Variants in MYEF2 observed in about 807,000 individuals in gnomAD.
MYEF2 encodes myelin expression factor 2.
A neutral mutation model predicts 75.2 loss-of-function variants in MYEF2; 37 were observed. The ratio of observed to expected loss-of-function variants is 0.49; its 90% confidence interval spans 0.38 to 0.65. MYEF2 has a LOEUF of 0.65. Ranked by LOEUF, MYEF2 falls within the 30% of genes least tolerant of loss-of-function variation. The pLI is 0.00. For missense variants in MYEF2, 634 were observed against 771.4 expected (o/e 0.82, Z 2.11); for synonymous variants, 195 against 241.6 (o/e 0.81, Z 1.79).
At chr15:48,158,588 A>G (rs1470537403) in intron 7 of MYEF2, among the ~76,000 whole-genome samples, 181 bp downstream of exon 7, 1 of 152,170 alleles carries the variant, frequency 6.6e-6, no homozygotes, top group Non-Finnish European at 1.5e-5. Context: ...AATATGGCCA[A>G]TTCAAGTTTT....
At chr15:48,151,805 T>C (rs1316576029) in intron 12 of MYEF2, 69 bp downstream of exon 12, 4 of 1,536,360 alleles carry the variant, frequency 2.6e-6, no homozygotes, top group South Asian at 1.1e-5. Flanking sequence ...TCCTAAGTTA[T>C]AGGGGGGAAA....
Position 48,153,495 on chromosome 15 carries a change from A to G in MYEF2, c.1087+297T>C, listed in dbSNP as rs1287199136. On this transcript the variant is annotated intron_variant, in intron 10 of 16. Coordinates refer to ENST00000324324, the MANE Select transcript of MYEF2 (RefSeq NM_016132.5). ...GATATGGTAGCATTTCAGCTACTCC[A>G]TAAATACTGTTCATAGATGATATAT... 28 of 204,396 alleles carry G rather than the reference A, an allele frequency of 1.4e-4. No homozygotes were observed. In the Admixed American group the frequency reaches 1.6e-3, roughly 11 times the overall value. 12.7% of individuals were successfully genotyped at this position (204,396 alleles called of 1,614,324 possible).
intron 5 of MYEF2, 124 bp from the exon 6 acceptor site, chr15:48,159,928 T>A: frequency 4.1e-6 from 4 of 985,012 alleles, no homozygotes; most frequent in Non-Finnish European, 5.8e-6. Context: ...TCTTGAAGAG[T>A]GAGCTTTTTT....
At chr15:48,162,389 A>G (rs2039973960) in intron 5 of MYEF2, among the ~76,000 whole-genome samples, 1 of 152,212 alleles carries the variant, frequency 6.6e-6, no homozygotes, top group Non-Finnish European at 1.5e-5. Context: ...TAGCACTATG[A>G]GGTAGGTGCT....
In MYEF2 at chr15:48,150,513, T is replaced by TATTC. The variant is rs199722713; in HGVS notation, c.1378+583_1378+586dup. 5.4e-3 allele frequency among the ~76,000 whole-genome samples: 825 copies of TATTC among 152,128 alleles called. 10 individuals carry two copies. The highest frequency in any genetic ancestry group is 0.019 in the African/African-American group (785 of 41,514). On this transcript the variant is annotated intron_variant, in intron 14 of 16. Transcript: ENST00000324324. ...TAAAAAAATAAATAAATAATCCATGTATTCAGGCTTAATATAAGGCCTAAA... is the reference window on the plus strand; with the variant it reads ...TAAAAAAATAAATAAATAATCCATGTATTCATTCAGGCTTAATATAAGGCCTAAA...
intron 16 of MYEF2, among the ~76,000 whole-genome samples, chr15:48,144,338 T>C (rs536374467): frequency 1.3e-5 from 2 of 152,184 alleles, no homozygotes; most frequent in African/African-American, 4.8e-5. Flanking sequence ...GACTACTTTA[T>C]ACTTTCACTT....
At position 48,141,167 on chromosome 15, in the gene MYEF2, G is replaced by A. The variant is rs1286678075; in HGVS notation, c.*1741C>T. ...ATGGGCCTTACTTTATTAGCAGCAG[G>A]AACAAGCATACCAGACACAATTGCA... On this transcript the variant is annotated 3_prime_UTR_variant, in exon 17 of 17. Coordinates refer to ENST00000324324, the MANE Select transcript of MYEF2 (RefSeq NM_016132.5). 3.7e-6 allele frequency: 6 copies of A among 1,613,898 alleles called. No homozygotes were observed. Among genetic ancestry groups the A allele is most frequent in the South Asian group, 1.1e-5 (1 of 91,068 alleles).
intron 9 of MYEF2, among the ~76,000 whole-genome samples, chr15:48,155,075 A>C (rs953286243): frequency 3.9e-5 from 6 of 152,128 alleles, no homozygotes; most frequent in Non-Finnish European, 7.4e-5. Context: ...AATTAATCCA[A>C]ATGAACCAAT....
In MYEF2 at chr15:48,137,517, T is replaced by C. The variant is rs1407986588; in HGVS notation, c.*5391A>G. 1 of 152,272 alleles carries C rather than the reference T, an allele frequency of 6.6e-6. No individual in the cohort carries two copies. Among genetic ancestry groups the C allele is most frequent in the Non-Finnish European group, 1.5e-5 (1 of 68,034 alleles). 9.4% of individuals were successfully genotyped at this position (152,272 alleles called of 1,614,324 possible). On this transcript the variant is annotated 3_prime_UTR_variant, in exon 17 of 17. Coordinates refer to ENST00000324324, the MANE Select transcript of MYEF2 (RefSeq NM_016132.5). ...ATTAGAACTGTTATCTTAGTAATGT[T>C]ACCCAAAATGATGTTCACCGAACTA...
At chr15:48,171,849 C>G (rs1265147359) in intron 1 of MYEF2, among the ~76,000 whole-genome samples, 1 of 152,004 alleles carries the variant, frequency 6.6e-6, no homozygotes, top group Non-Finnish European at 1.5e-5. Context: ...TTTAGACAAC[C>G]ACTCCCACAA....
intron 13 of MYEF2, 75 bp from the exon 14 acceptor site, chr15:48,151,246 G>A (rs559886476): frequency 7.8e-7 from 1 of 1,275,334 alleles, no homozygotes; most frequent in African/African-American, 1.5e-5. Flanking sequence ...GGTACTATGT[G>A]CTCTGATTTA....
At position 48,178,207 on chromosome 15, in the gene MYEF2, C is replaced by A; in HGVS notation, c.31G>T (p.Gly11Trp). The A allele has an allele frequency of 6.7e-7, 1 of 1,485,524 alleles. No individual in the cohort carries two copies. The allele number at this position is 1,485,524 out of a possible 1,614,324, so 92.0% of individuals were successfully genotyped here. MADANKAEVP[G>W]ATGGDSPHLQ... ...TGCGGGCTGTCGCCACCAGTGGCCC[C>A]GGGCACCTCGGCCTTGTTGGCGTCC... Residue 11 changes from glycine to tryptophan, a missense_variant, in exon 1 of 17, where the codon GGG becomes TGG. Physicochemically the swap from Gly to Trp is radical, Grantham distance 184 (BLOSUM62 -2). Transcript: ENST00000324324.
At chr15:48,159,501 C>A in intron 6 of MYEF2, 112 bp downstream of exon 6, 1 of 863,618 alleles carries the variant, frequency 1.2e-6, no homozygotes. Flanking sequence ...ATTACTATTT[C>A]ACTTACTTTA....
chr15:48,141,194 G>A lies in MYEF2; in HGVS notation c.*1714C>T, dbSNP rs376006338. On this transcript the variant is annotated 3_prime_UTR_variant, in exon 17 of 17. Transcript: ENST00000324324. ...ACAAGCATACCAGACACAATTGCAA[G>A]TGTGTTGGTTGCAAGAAAAGGTAAG... The A allele has an allele frequency of 1.2e-6, 2 of 1,613,388 alleles. No individual in the cohort carries two copies. The highest frequency in any genetic ancestry group is 1.7e-5 in the Admixed American group (1 of 60,010).
At position 48,165,590 on chromosome 15, in the gene MYEF2, T is replaced by C. The variant is rs753318914; in HGVS notation, c.525+343A>G. ...GACCTTTAATTATCAATTACAAGGATATTATATTTCTCAAATAACAAAATC... is the reference window on the plus strand; with the variant it reads ...GACCTTTAATTATCAATTACAAGGACATTATATTTCTCAAATAACAAAATC... On this transcript the variant is annotated intron_variant, in intron 5 of 16. Transcript: ENST00000324324. Among the ~76,000 whole-genome samples the C allele has an allele frequency of 2.6e-5, 4 of 152,054 alleles. No homozygotes were observed. In the East Asian group the frequency reaches 7.7e-4, roughly 29 times the overall value.
chr15:48,149,060 CT>C lies in MYEF2; in HGVS notation c.1610del (p.Gln537ArgfsTer3). ...VRNLPFDLTW[Q>X]KLKEKFSQCG... Reference sequence around the variant, plus strand: ...ACTGACTGAATTTCTCTTTTAGTTTCTGCCAAGTCAAGTCAAAAGGTAGCTA... The same window carrying C: ...ACTGACTGAATTTCTCTTTTAGTTTCGCCAAGTCAAGTCAAAAGGTAGCTA... On this transcript the variant is annotated frameshift_variant, in exon 16 of 17. Coordinates refer to ENST00000324324, the MANE Select transcript of MYEF2 (RefSeq NM_016132.5). LOFTEE classifies it high-confidence loss of function. This position sits in a 1 kb window ranked among gnomAD's most constrained non-coding sequence, Gnocchi z 4.0. 1 of 1,613,094 alleles carries C rather than the reference CT, an allele frequency of 6.2e-7. No homozygotes were observed. The highest frequency in any genetic ancestry group is 8.5e-7 in the Non-Finnish European group (1 of 1,179,306).
At chr15:48,146,247 T>G (rs1432394376) in intron 16 of MYEF2, among the ~76,000 whole-genome samples, 1 of 151,874 alleles carries the variant, frequency 6.6e-6, no homozygotes, top group Non-Finnish European at 1.5e-5. Flanking sequence ...CAATACTAAA[T>G]AGGTTAATTT....
intron 5 of MYEF2, among the ~76,000 whole-genome samples, chr15:48,160,852 T>C (rs2039914061): frequency 7.3e-6 from 1 of 137,788 alleles, no homozygotes; most frequent in South Asian, 2.6e-4. Context: ...ATTTCTTCAC[T>C]ATGAAGGAAT....
intron 9 of MYEF2, among the ~76,000 whole-genome samples, chr15:48,154,398 T>C (rs1346286744): frequency 6.6e-6 from 1 of 152,176 alleles, no homozygotes; most frequent in Non-Finnish European, 1.5e-5. Flanking sequence ...TATATTTATA[T>C]GGCACCTTAA....
Sources: allele counts gnomAD v4.1 joint callset (sites outside exome capture counted in the v4.1 genomes callset), GRCh38; gene constraint gnomAD v4.1.1; non-coding constraint Gnocchi (gnomAD v3.1); transcripts MANE v1.5; gene names NCBI Gene and HGNC (gene_info 2026-07-23, HGNC 2026-07-21).